Variants in EPHA6 observed in about 807,000 individuals in gnomAD.
The protein encoded by EPHA6 is ephrin type-A receptor 6.
EPHA6 carries 50 observed loss-of-function variants against 112.0 expected under a neutral mutation model. The observed-to-expected ratio is 0.45, with a 90% CI of 0.36 to 0.56. The LOEUF (loss-of-function observed/expected upper bound fraction) is 0.56, where lower values mean the gene tolerates loss of function less well. EPHA6 is among the 20% of genes least tolerant of loss of function. The pLI is 0.00. For missense variants in EPHA6, 1,280 were observed against 1,417.4 expected, an observed-to-expected ratio of 0.90 and a Z score of 1.56; for synonymous variants, 529 against 490.7, an observed-to-expected ratio of 1.08 and a Z score of -1.03.
At chr3:96,968,920 A>G (rs577868917) in intron 2 of EPHA6, among the ~76,000 whole-genome samples, 4 of 151,890 alleles carry the variant, frequency 2.6e-5, no homozygotes, top group Admixed American at 1.3e-4. Context: ...GGCATATTAC[A>G]CAGTAGTGAT....
intron 7 of EPHA6, among the ~76,000 whole-genome samples, chr3:97,453,528 T>G (rs2090590118): frequency 6.6e-6 from 1 of 151,710 alleles, no homozygotes; most frequent in African/African-American, 2.4e-5. Flanking sequence ...AAAGTAGTAA[T>G]GATGGACTAA....
rs1043029510 is a variant in EPHA6 at position 97,117,762 on chromosome 3, C to A, written c.1115-108502C>A. The stretch of plus-strand genomic sequence containing the variant: ...GATCTTAGCTGTATTTGTTTGCAAG[C>A]AACTGTGCATCTAAATCTCACAAGA... On this transcript the variant is annotated intron_variant, in intron 3 of 17. Transcript: ENST00000389672. Among the ~76,000 whole-genome samples the A allele has an allele frequency of 6.1e-4, 93 of 151,714 alleles. 1 individual carries two copies. The highest frequency in any genetic ancestry group is 2.1e-3 in the African/African-American group (87 of 41,388).
At chr3:97,482,180 T>G (rs1342821875) in intron 9 of EPHA6, among the ~76,000 whole-genome samples, 1 of 152,356 alleles carries the variant, frequency 6.6e-6, no homozygotes, top group South Asian at 2.1e-4. Flanking sequence ...TATAGAAATG[T>G]GTACCACCTT....
chr3:97,476,734 A>G (rs2091379035), intron 8 of EPHA6, among the ~76,000 whole-genome samples: 1 of 152,118 alleles, frequency 6.6e-6, no homozygotes, highest in Admixed American at 6.6e-5. Context: ...CCTTTTATAG[A>G]ATTTACCGAG....
In EPHA6 at chr3:96,814,853, T is replaced by G. The variant is rs1267038396; in HGVS notation, c.230T>G (p.Leu77Arg). 6.4e-7 allele frequency: 1 copy of G among 1,563,936 alleles called. No homozygotes were observed. ...KDPHPTQNTC[L>R]RCRHFSLRER... ...CCCCATCCTACCCAGAACACCTGCCTGCGCTGCCGCCACTTCTCTTTAAGG... is the reference window on the plus strand; with the variant it reads ...CCCCATCCTACCCAGAACACCTGCCGGCGCTGCCGCCACTTCTCTTTAAGG... Residue 77 changes from leucine (L) to arginine (R), a missense_variant, in exon 1 of 18, where the codon CTG (leucine) becomes CGG (arginine). Leu to Arg is a moderately radical substitution (Grantham distance 102, BLOSUM62 -2). Transcript: ENST00000389672.
intron 3 of EPHA6, among the ~76,000 whole-genome samples, chr3:97,124,070 C>A (rs540274174): frequency 6.6e-6 from 1 of 151,852 alleles, no homozygotes; most frequent in Non-Finnish European, 1.5e-5. Context: ...TCATTTAGTT[C>A]CCATAAAAAA....
At chr3:97,208,469 G>C (rs954240348) in intron 3 of EPHA6, among the ~76,000 whole-genome samples, 1 of 152,134 alleles carries the variant, frequency 6.6e-6, no homozygotes, top group Non-Finnish European at 1.5e-5. Context: ...CCGCAGGCTG[G>C]GTGCAGTAGC....
rs532018984 is a variant in EPHA6, at chr3:97,629,837, G to C, written c.2575-8036G>C. Among the ~76,000 whole-genome samples the C allele has an allele frequency of 9.2e-5, 14 of 152,082 alleles. No individual in the cohort carries two copies. The South Asian group carries it at 2.7e-3, about 29-fold the overall frequency. ...TGCAAAAACTTCCCTGGATTATTCT[G>C]ATATGCTCTAATGATGCTTCATCAA... On this transcript the variant is annotated intron_variant, in intron 13 of 17. Coordinates refer to ENST00000389672, the MANE Select transcript of EPHA6 (RefSeq NM_001080448.3).
At chr3:97,140,612 T>A (rs1448117454) in intron 3 of EPHA6, among the ~76,000 whole-genome samples, 1 of 152,132 alleles carries the variant, frequency 6.6e-6, no homozygotes, top group East Asian at 1.9e-4. Flanking sequence ...AATAAAGTAT[T>A]TCCCAGACAA....
intron 12 of EPHA6, among the ~76,000 whole-genome samples, chr3:97,600,847 G>A (rs2093637686): frequency 1.3e-5 from 2 of 150,536 alleles, no homozygotes; most frequent in South Asian, 2.1e-4. Context: ...TCAAGCTCTT[G>A]AGCATTACAA....
intron 8 of EPHA6, among the ~76,000 whole-genome samples, chr3:97,478,848 G>C (rs984840801): frequency 2.0e-5 from 3 of 152,016 alleles, no homozygotes; most frequent in Non-Finnish European, 2.9e-5. Context: ...TGGTTATCCA[G>C]AGGGAGACTA....
intron 1 of EPHA6, among the ~76,000 whole-genome samples, chr3:96,861,849 A>G: frequency 6.6e-6 from 1 of 152,106 alleles, no homozygotes; most frequent in African/African-American, 2.4e-5. Flanking sequence ...TCCTCTTTAG[A>G]AGATTTTATC....
chr3:97,290,341 C>A (rs1294027390), intron 5 of EPHA6, among the ~76,000 whole-genome samples: 1 of 152,012 alleles, frequency 6.6e-6, no homozygotes, highest in Non-Finnish European at 1.5e-5. Context: ...TCTATTGACA[C>A]TGATTTGCGT....
chr3:97,214,024 TG>T (rs1168580033), intron 3 of EPHA6, among the ~76,000 whole-genome samples: 32 of 142,376 alleles, frequency 2.2e-4, no homozygotes, highest in Admixed American at 2.8e-4. Flanking sequence ...TGTGTGTGTG[TG>T]TGTGTGTGTG....
chr3:97,450,769 A>G (rs78661890), intron 7 of EPHA6, among the ~76,000 whole-genome samples: 18,808 of 152,062 alleles, frequency 0.12, 3,730 homozygotes, highest in African/African-American at 0.41. Context: ...GGGGATAAAA[A>G]ATAATAATAA....
At chr3:96,971,027 G>T (rs893783315) in intron 2 of EPHA6, among the ~76,000 whole-genome samples, 2 of 151,940 alleles carry the variant, frequency 1.3e-5, no homozygotes, top group African/African-American at 4.8e-5. Context: ...ATAAATATTT[G>T]CAATCCCTTT....
chr3:96,918,163 AC>A (rs1346554752), intron 2 of EPHA6, among the ~76,000 whole-genome samples: 1 of 152,186 alleles, frequency 6.6e-6, no homozygotes, highest in Admixed American at 6.5e-5. Context: ...AGATTGGAAC[AC>A]AAAAAAGGAT....
intron 5 of EPHA6, among the ~76,000 whole-genome samples, chr3:97,256,491 ATTATGT>A (rs1197609402): frequency 6.6e-6 from 1 of 152,038 alleles, no homozygotes. Context: ...AAGAAGACTA[ATTATGT>A]TTAGGATTTA....
Position 97,047,354 on chromosome 3 carries a change from G to A in EPHA6, c.1114+59361G>A, listed in dbSNP as rs573079174. Among the ~76,000 whole-genome samples the A allele has an allele frequency of 1.1e-4, 16 of 151,896 alleles. 2 individuals are homozygous for A. Among genetic ancestry groups the A allele is most frequent in the African/African-American group, 3.4e-4 (14 of 41,480 alleles). On this transcript the variant is annotated intron_variant, in intron 3 of 17. Coordinates refer to ENST00000389672, the MANE Select transcript of EPHA6 (RefSeq NM_001080448.3). Reference sequence around the variant, plus strand: ...TCTCTACTAAAAATACAAAAAATTAGCTGGGCGTGGTGGTGGGCACCTGTG... The same window carrying A: ...TCTCTACTAAAAATACAAAAAATTAACTGGGCGTGGTGGTGGGCACCTGTG...
Sources: gnomAD v4.1 joint callset for allele counts (sites outside exome capture counted in the v4.1 genomes callset) on GRCh38, gnomAD v4.1.1 for gene constraint, MANE v1.5 for transcripts, NCBI Gene and HGNC (gene_info 2026-07-23, HGNC 2026-07-21) for gene names.